Variants in KIF17 observed in about 807,000 individuals in gnomAD.
The protein encoded by KIF17 is kinesin-like protein KIF17.
KIF17 carries 80 observed loss-of-function variants against 96.8 expected under a neutral mutation model. The ratio of observed to expected loss-of-function variants is 0.83; its 90% CI spans 0.69 to 1.00. KIF17 has a LOEUF of 1.00. KIF17 is among the 50% of genes least tolerant of loss of function. The probability of loss-of-function intolerance (pLI) is 0.00; values close to 1 mark genes in which losing one functional copy is unlikely to be tolerated. For missense variants in KIF17, 1,280 were observed against 1,372.9 expected (o/e 0.93, Z 1.07); for synonymous variants, 567 against 587.5 (o/e 0.97, Z 0.51).
At chr1:20,670,384 GC>G in intron 13 of KIF17, 36 bp downstream of exon 13, 1 of 1,598,032 alleles carries the variant, frequency 6.3e-7, no homozygotes, top group Non-Finnish European at 8.6e-7. Context: ...AGCCCTCCCA[GC>G]CCCCGACACC....
chr1:20,697,048 G>C (rs1448029951), intron 6 of KIF17, among the ~76,000 whole-genome samples: 1 of 152,208 alleles, frequency 6.6e-6, no homozygotes, highest in Admixed American at 6.5e-5. Context: ...CGCCCGTCAC[G>C]TGCAGCGCCC....
At chr1:20,695,692 C>T (rs755803115) in intron 6 of KIF17, among the ~76,000 whole-genome samples, 3 of 152,088 alleles carry the variant, frequency 2.0e-5, no homozygotes, top group Admixed American at 6.6e-5. Context: ...CCGGAAGCTC[C>T]ACCTCCTCTG....
chr1:20,685,082 C>G lies in KIF17; in HGVS notation c.2020-62G>C. ...GCCGCCCCAACCCCCGCCGACAGCT[C>G]CCAGGTGGCTCAATCCCAGACGGGG... On this transcript the variant is annotated intron_variant, in intron 9 of 14. Transcript: ENST00000400463. This position sits in a 1 kb window ranked among gnomAD's most constrained non-coding sequence, Gnocchi z 4.1. The G allele has an allele frequency of 7.2e-7, 1 of 1,384,050 alleles. No homozygotes were observed. Among genetic ancestry groups the G allele is most frequent in the Non-Finnish European group, 1.0e-6 (1 of 994,674 alleles). The allele number at this position is 1,384,050 out of a possible 1,614,324, so 85.7% of individuals were successfully genotyped here.
intron 9 of KIF17, 25 bp downstream of exon 9, chr1:20,686,021 C>A (rs1375406997): frequency 6.5e-7 from 1 of 1,537,864 alleles, no homozygotes; most frequent in Admixed American, 2.0e-5. Flanking sequence ...CCGTCCCCCA[C>A]ATGGAGGCCC....
intron 11 of KIF17, 67 bp downstream of exon 11, chr1:20,682,586 T>A: frequency 7.4e-7 from 1 of 1,348,996 alleles, no homozygotes; most frequent in Non-Finnish European, 1.1e-6. Flanking sequence ...GGTGTAGGGA[T>A]GCCTGGATCG....
intron 13 of KIF17, 93 bp from the exon 14 acceptor site, chr1:20,666,424 C>G (rs955462345): frequency 9.6e-7 from 1 of 1,043,870 alleles, no homozygotes; most frequent in Non-Finnish European, 1.5e-6. Context: ...CAGTGGGGGC[C>G]GCCCCGAGCT....
In KIF17 at chr1:20,684,877, C is replaced by G; in HGVS notation, c.2163G>C (p.Val721=). The G allele has an allele frequency of 6.3e-7, 1 of 1,598,046 alleles. No individual in the cohort carries two copies. Among genetic ancestry groups the G allele is most frequent in the Non-Finnish European group, 8.5e-7 (1 of 1,172,506 alleles). Residue 721 remains valine, a synonymous_variant, in exon 10 of 15, where the codon GTG becomes GTC. Coordinates refer to ENST00000400463, the MANE Select transcript of KIF17 (RefSeq NM_001122819.3). ...PATAGVKRES[V]GMEVAVLTDD... The stretch of plus-strand genomic sequence containing the variant: ...CAGTCAGCACTGCCACCTCCATGCC[C>G]ACGCTCTCCCTCTTCACACCAGCTG...
At chr1:20,697,581 TG>T (rs2154536783) in intron 6 of KIF17, among the ~76,000 whole-genome samples, 1 of 152,332 alleles carries the variant, frequency 6.6e-6, no homozygotes, top group South Asian at 2.1e-4. Context: ...CACTCCAGCC[TG>T]GGTGACAACA....
In KIF17 at chr1:20,668,326, G is replaced by A. The variant is rs558678523; in HGVS notation, c.2791-1995C>T. ...CTCCGTCTCAAAAAAAAAAAAAGAGGTGAAGACAGACACAGACCCTGACTG... is the reference window on the plus strand; with the variant it reads ...CTCCGTCTCAAAAAAAAAAAAAGAGATGAAGACAGACACAGACCCTGACTG... On this transcript the variant is annotated intron_variant, in intron 13 of 14. Coordinates refer to ENST00000400463, the MANE Select transcript of KIF17 (RefSeq NM_001122819.3). 5.9e-3 allele frequency among the ~76,000 whole-genome samples: 905 copies of A among 152,118 alleles called. 14 individuals carry two copies. The highest frequency in any genetic ancestry group is 0.021 in the African/African-American group (877 of 41,516).
chr1:20,683,621 C>G (rs574736227), intron 10 of KIF17, among the ~76,000 whole-genome samples: 1 of 152,036 alleles, frequency 6.6e-6, no homozygotes, highest in Non-Finnish European at 1.5e-5. Context: ...CACCACTGCA[C>G]TCCAGCCTGA....
intron 11 of KIF17, among the ~76,000 whole-genome samples, chr1:20,677,547 C>T (rs908961137): frequency 1.3e-5 from 2 of 152,090 alleles, no homozygotes; most frequent in African/African-American, 4.8e-5. Context: ...CAATGGAGAG[C>T]TATGTAGTTG....
At chr1:20,666,426 C>T in intron 13 of KIF17, 95 bp from the exon 14 acceptor site, 1 of 967,302 alleles carries the variant, frequency 1.0e-6, no homozygotes. Context: ...GTGGGGGCCG[C>T]CCCGAGCTTC....
rs1426615419 is a variant in KIF17 at position 20,704,362 on chromosome 1, G to A, written c.1123+85C>T. On this transcript the variant is annotated intron_variant, in intron 5 of 14. Coordinates refer to ENST00000400463, the MANE Select transcript of KIF17 (RefSeq NM_001122819.3). This position sits in a 1 kb window ranked among gnomAD's most constrained non-coding sequence, Gnocchi z 6.8. ...ATGCTGCTCCCACTGTCTTTTAGGT[G>A]GGAAGTTGGAGGCGAGAAGACAGAG... is the stretch of plus-strand genomic sequence containing the variant. 2 of 1,109,882 alleles carry A rather than the reference G, an allele frequency of 1.8e-6. No homozygotes were observed. Among genetic ancestry groups the A allele is most frequent in the Middle Eastern group, 2.1e-4 (1 of 4,782 alleles). 68.8% of individuals were successfully genotyped at this position (1,109,882 alleles called of 1,614,324 possible).
chr1:20,687,612 T>C lies in KIF17; in HGVS notation c.1714A>G (p.Arg572Gly). 1 of 1,614,160 alleles carries C rather than the reference T, an allele frequency of 6.2e-7. No homozygotes were observed. The highest frequency in any genetic ancestry group is 2.2e-5 in the East Asian group (1 of 44,880). Residue 572 changes from arginine to glycine, a missense_variant, in exon 8 of 15, where the codon AGG (arginine) becomes GGG (glycine). By Grantham distance (125) the Arg-to-Gly change is moderately radical. Coordinates refer to ENST00000400463, the MANE Select transcript of KIF17 (RefSeq NM_001122819.3). This position sits in a 1 kb window ranked among gnomAD's most constrained non-coding sequence, Gnocchi z 4.4. ...CACTCATCCAGGAAGTATCTGCTCCTGGACTCCTCAGTGGGCATGGAGACC... is the reference window on the plus strand; with the variant it reads ...CACTCATCCAGGAAGTATCTGCTCCCGGACTCCTCAGTGGGCATGGAGACC... ...VEVSMPTEES[R>G]SRYFLDECLG...
rs113995871 is a variant in KIF17, at chr1:20,672,075, T to A, written c.2585A>T (p.Glu862Val). ...CCTGCGAATCAGGGGCTGCACCTGC[T>A]CCAGGAGCTGCTGCAAGAGCATGGA... ...RDSMLLQQLLEQVQPLIRRDC... is the reference protein window; with the variant it reads ...RDSMLLQQLLVQVQPLIRRDC... The change falls in exon 12 of 15, where the codon GAG becomes GTG. Residue 862 changes from glutamate to valine, a missense_variant. Glu to Val is a moderately radical substitution (Grantham distance 121). Coordinates refer to ENST00000400463, the MANE Select transcript of KIF17 (RefSeq NM_001122819.3). This position sits in a 1 kb window ranked among gnomAD's most constrained non-coding sequence, Gnocchi z 4.3. 59 of 1,614,202 alleles carry A rather than the reference T, an allele frequency of 3.7e-5. No individual in the cohort carries two copies. In the East Asian group the frequency reaches 1.3e-3, roughly 35 times the overall value.
At chr1:20,684,285 T>C (rs2053889968) in intron 10 of KIF17, among the ~76,000 whole-genome samples, 1 of 152,240 alleles carries the variant, frequency 6.6e-6, no homozygotes, top group Admixed American at 6.5e-5. Flanking sequence ...GTTTGAACTG[T>C]GGCCTCTGGG....
intron 6 of KIF17, among the ~76,000 whole-genome samples, chr1:20,696,536 G>GCACC (rs148510365): frequency 0.015 from 2,285 of 151,960 alleles, 53 homozygotes; most frequent in African/African-American, 0.052. Flanking sequence ...AGGGCAGAAG[G>GCACC]CACCCCCATC....
Position 20,709,571 on chromosome 1 carries a change from G to A in KIF17, c.670+68C>T. ...AGGGGCTCCTGCGGCCCCGAGAGGT[G>A]GCGTGCCTTGGCTAGTGGGAGTGGC... On this transcript the variant is annotated intron_variant, in intron 4 of 14. Transcript: ENST00000400463. The surrounding 1 kb of genome is among the most constrained non-coding windows in gnomAD (Gnocchi z 4.7). 5 of 1,567,332 alleles carry A rather than the reference G, an allele frequency of 3.2e-6. No individual in the cohort carries two copies. Among genetic ancestry groups the A allele is most frequent in the Non-Finnish European group, 4.4e-6 (5 of 1,138,064 alleles).
At chr1:20,682,541 G>T in intron 11 of KIF17, 112 bp downstream of exon 11, 1 of 847,260 alleles carries the variant, frequency 1.2e-6, no homozygotes, top group Non-Finnish European at 2.0e-6. Context: ...CATGCCTGCT[G>T]TGTAAAGAGT....
Sources: allele counts gnomAD v4.1 joint callset (sites outside exome capture counted in the v4.1 genomes callset), GRCh38; gene constraint gnomAD v4.1.1; non-coding constraint Gnocchi (gnomAD v3.1); transcripts MANE v1.5; gene names NCBI Gene and HGNC (gene_info 2026-07-23, HGNC 2026-07-21).